Variants in MYZAP observed in about 807,000 individuals in gnomAD.
MYZAP encodes myocardial zonula adherens protein, also known as GRINL1A complex locus upstream.
In MYZAP, 66 loss-of-function variants were observed where a neutral mutation model predicts 69.4. That is an observed-to-expected ratio of 0.95 (90% CI 0.78 to 1.17). MYZAP has a LOEUF of 1.17. Ranked by LOEUF, MYZAP falls within the 50% of genes most tolerant of loss-of-function variation. The probability of loss-of-function intolerance (pLI) is 0.00; values close to 1 mark genes in which losing one functional copy is unlikely to be tolerated. For synonymous variants in MYZAP, 256 were observed against 205.9 expected (o/e 1.24, Z -2.09); for missense variants, 611 against 556.2 (o/e 1.10, Z -0.99).
Position 57,633,862 on chromosome 15 carries a change from A to G in MYZAP, c.933+121A>G, listed in dbSNP as rs1365129018. The G allele has an allele frequency of 2.5e-6, 3 of 1,213,838 alleles. No homozygotes were observed. The African/African-American group carries it at 4.7e-5, about 19-fold the overall frequency. The allele number at this position is 1,213,838 out of a possible 1,614,324, so 75.2% of individuals were successfully genotyped here. On this transcript the variant is annotated intron_variant, in intron 8 of 12. Transcript: ENST00000267853. The stretch of plus-strand genomic sequence containing the variant: ...CCTCCAAAATTTGCAATTAAAAAAA[A>G]AAAGACAAAGCTATAAAATAAAGTA...
chr15:57,600,047 C>A (rs2034315417), intron 1 of MYZAP, among the ~76,000 whole-genome samples: 1 of 146,816 alleles, frequency 6.8e-6, no homozygotes, highest in Non-Finnish European at 1.5e-5. Flanking sequence ...AAATCTGTTT[C>A]CTTAAGAATA....
intron 10 of MYZAP, chr15:57,647,440 T>C (rs1202762460): frequency 1.0e-6 from 1 of 985,300 alleles, no homozygotes; most frequent in Non-Finnish European, 1.2e-6. Context: ...TTTCTAAGTC[T>C]CTGGTGGAAA....
chr15:57,649,548 T>C (rs946785796), intron 10 of MYZAP, among the ~76,000 whole-genome samples: 8 of 152,198 alleles, frequency 5.3e-5, no homozygotes, highest in Non-Finnish European at 1.5e-5. Flanking sequence ...TTATATTAGA[T>C]TGTTTTTCTT....
At chr15:57,661,667 G>C (rs1023385748) in intron 11 of MYZAP, 134 bp downstream of exon 11, 5 of 763,678 alleles carry the variant, frequency 6.5e-6, no homozygotes, top group Non-Finnish European at 1.0e-5. Flanking sequence ...TTAAGTGCCA[G>C]CCTTGAAAAT....
chr15:57,679,376 TTC>T (rs1174685106), intron 12 of MYZAP, among the ~76,000 whole-genome samples: 3,138 of 135,768 alleles, frequency 0.023, 144 homozygotes, highest in African/African-American at 0.085. Context: ...GTGTGTGTGT[TTC>T]TCTCTCTCTC....
intron 6 of MYZAP, 117 bp downstream of exon 6, chr15:57,629,971 A>AT (rs59322468): frequency 0.15 from 129,337 of 862,344 alleles, 1,436 homozygotes; most frequent in South Asian, 0.18. Flanking sequence ...TCTTCATTGG[A>AT]TTTTTTTTTT....
At chr15:57,595,604 G>A (rs530351111) in intron 1 of MYZAP, among the ~76,000 whole-genome samples, 104 of 152,078 alleles carry the variant, frequency 6.8e-4, no homozygotes, top group African/African-American at 2.5e-3. Flanking sequence ...TGACCTTTCG[G>A]CACAATACTT....
At position 57,668,372 on chromosome 15, in the gene MYZAP, G is replaced by A. The variant is rs554771598; in HGVS notation, c.1204-6596G>A. On this transcript the variant is annotated intron_variant, in intron 11 of 12. Transcript: ENST00000267853. The stretch of plus-strand genomic sequence containing the variant: ...TTTAAGAGACCGTCAGTTTTTCAAA[G>A]GGGTTGTAGTATTTTAATTTTCCAG... Among the ~76,000 whole-genome samples, 9 of 152,268 alleles carry A rather than the reference G, an allele frequency of 5.9e-5. No individual in the cohort carries two copies. The South Asian group carries it at 1.2e-3, about 21-fold the overall frequency.
intron 10 of MYZAP, among the ~76,000 whole-genome samples, chr15:57,651,705 G>T (rs1255542062): frequency 6.6e-6 from 1 of 152,214 alleles, no homozygotes; most frequent in African/African-American, 2.4e-5. Context: ...TTCATGGTCT[G>T]GTGGGGATAA....
intron 12 of MYZAP, among the ~76,000 whole-genome samples, chr15:57,680,485 T>TCACA (rs71950892): frequency 0.011 from 1,633 of 143,064 alleles, 35 homozygotes; most frequent in African/African-American, 0.043. Context: ...GTTCAGGAGT[T>TCACA]CACACACACA....
chr15:57,646,084 G>A, intron 10 of MYZAP: 1 of 1,148,468 alleles, frequency 8.7e-7, no homozygotes, highest in South Asian at 1.3e-5. Context: ...TAGGGGAAAG[G>A]AGCCATAGCA....
intron 5 of MYZAP, among the ~76,000 whole-genome samples, chr15:57,628,700 G>GGTAT (rs1372223732): frequency 1.3e-5 from 2 of 152,150 alleles, no homozygotes. Flanking sequence ...AAGGGAGGAA[G>GGTAT]GTGAAATGTT....
At chr15:57,629,594 G>C in intron 5 of MYZAP, 108 bp from the exon 6 acceptor site, 1 of 1,441,462 alleles carries the variant, frequency 6.9e-7, no homozygotes, top group Non-Finnish European at 9.2e-7. Context: ...CTGTAGCCTA[G>C]GACAGCTACC....
At chr15:57,598,143 T>C (rs1488830629) in intron 1 of MYZAP, among the ~76,000 whole-genome samples, 1 of 152,122 alleles carries the variant, frequency 6.6e-6, no homozygotes, top group African/African-American at 2.4e-5. Flanking sequence ...TGCCTGAAGT[T>C]GAGAGCATGA....
Position 57,642,661 on chromosome 15 carries a change from C to T in MYZAP, c.1119+3116C>T, listed in dbSNP as rs373653187. 2.6e-5 allele frequency among the ~76,000 whole-genome samples: 4 copies of T among 152,324 alleles called. No homozygotes were observed. The East Asian group carries it at 5.8e-4, about 22-fold the overall frequency. On this transcript the variant is annotated intron_variant, in intron 10 of 12. Coordinates refer to ENST00000267853, the MANE Select transcript of MYZAP (RefSeq NM_001018100.5). Reference sequence around the variant, plus strand: ...AAACTTAGTTTTTTTAAATGATGGGCTTCTTTTGTTTAGCTCAAAATGTCC... The same window carrying T: ...AAACTTAGTTTTTTTAAATGATGGGTTTCTTTTGTTTAGCTCAAAATGTCC...
At chr15:57,668,765 A>G (rs1290246195) in intron 11 of MYZAP, among the ~76,000 whole-genome samples, 1 of 151,736 alleles carries the variant, frequency 6.6e-6, no homozygotes, top group Non-Finnish European at 1.5e-5. Flanking sequence ...GAGTTGGAAG[A>G]GTTCTTTATA....
intron 12 of MYZAP, among the ~76,000 whole-genome samples, chr15:57,681,401 A>G (rs373478937): frequency 5.8e-4 from 89 of 152,336 alleles, no homozygotes; most frequent in African/African-American, 2.0e-3. Context: ...GAGCTGCTGG[A>G]TTCATGGAGA....
At chr15:57,638,441 T>G (rs1324084827) in intron 9 of MYZAP, among the ~76,000 whole-genome samples, 1 of 152,188 alleles carries the variant, frequency 6.6e-6, no homozygotes, top group Admixed American at 6.5e-5. Flanking sequence ...TTAAGAGAAC[T>G]ATTGGGCTTG....
chr15:57,596,857 C>T (rs1355697571), intron 1 of MYZAP, among the ~76,000 whole-genome samples: 1 of 152,160 alleles, frequency 6.6e-6, no homozygotes, highest in Non-Finnish European at 1.5e-5. Context: ...GGAAGCCTGC[C>T]CTGAAACCTC....
Sources: allele counts gnomAD v4.1 joint callset (sites outside exome capture counted in the v4.1 genomes callset), GRCh38; gene constraint gnomAD v4.1.1; transcripts MANE v1.5; gene names NCBI Gene and HGNC (gene_info 2026-07-23, HGNC 2026-07-21).